BCL7C: variants seen among roughly 807,000 people sequenced by gnomAD.
BCL7C encodes the protein BAF chromatin remodeling complex subunit BCL7C, also known as B-cell CLL/lymphoma 7 protein family member C.
In BCL7C, 8 loss-of-function variants were observed where a neutral mutation model predicts 26.2. The observed-to-expected ratio is 0.30, with a 90% CI of 0.18 to 0.55. The LOEUF (loss-of-function observed/expected upper bound fraction) is 0.55, where lower values mean the gene tolerates loss of function less well. Among genes scored for constraint, BCL7C ranks in the 20% least tolerant of loss-of-function variants. The pLI, the probability that BCL7C is intolerant of heterozygous loss-of-function variation, is 0.93. For synonymous variants in BCL7C, 90 were observed against 116.5 expected (o/e 0.77, Z 1.47); for missense variants, 262 against 298.5 (o/e 0.88, Z 0.90).
intron 5 of BCL7C, among the ~76,000 whole-genome samples, chr16:30,835,391 ACTTGTAGTGTAAT>A (rs569186521): frequency 1.2e-3 from 183 of 152,272 alleles, no homozygotes; most frequent in African/African-American, 4.2e-3. Flanking sequence ...TCCAGCCATT[ACTTGTAGTGTAAT>A]CTTGGGCAAG....
At chr16:30,873,954 T>TACACACACACACACACACACACAC (rs145435913) in intron 5 of BCL7C, among the ~76,000 whole-genome samples, 126 of 137,760 alleles carry the variant, frequency 9.1e-4, no homozygotes, top group Middle Eastern at 3.6e-3. Context: ...GATATATGTA[T>TACACACACACACACACACACACAC]ACACACACAC....
At position 30,894,075 on chromosome 16, in the gene BCL7C, C is replaced by T. The variant is rs1017493258; in HGVS notation, c.-131G>A. ...CCCCCTGGAGTTGGCCGCGCCCTCT[C>T]TCGTCCCCAACGCCTCCGCAAGTCC... On this transcript the variant is annotated 5_prime_UTR_variant, in exon 1 of 6. Transcript: ENST00000215115. The T allele has an allele frequency of 9.9e-6, 2 of 201,976 alleles. No homozygotes were observed. Among genetic ancestry groups the T allele is most frequent in the African/African-American group, 2.4e-5 (1 of 42,190 alleles). The allele number at this position is 201,976 out of a possible 1,614,324, so 12.5% of individuals were successfully genotyped here.
intron 5 of BCL7C, among the ~76,000 whole-genome samples, chr16:30,863,661 C>T (rs975866605): frequency 6.6e-6 from 1 of 152,156 alleles, no homozygotes; most frequent in African/African-American, 2.4e-5. Context: ...TCACGCCCAC[C>T]TACTCTCCCA....
intron 5 of BCL7C, among the ~76,000 whole-genome samples, chr16:30,888,490 C>T (rs1316694231): frequency 1.3e-5 from 2 of 152,110 alleles, no homozygotes; most frequent in Non-Finnish European, 2.9e-5. Flanking sequence ...GCACGTGCCA[C>T]CACGCCCGGC....
chr16:30,859,550 G>A lies in BCL7C; in HGVS notation c.529-24402C>T, dbSNP rs138521094. 2.6e-3 allele frequency among the ~76,000 whole-genome samples: 395 copies of A among 152,254 alleles called. 2 individuals are homozygous for A. The highest frequency in any genetic ancestry group is 8.3e-3 in the African/African-American group (343 of 41,552). ...GCAACTGAAGATCCACAAAAGAAGTGAAAATAGCCTTAACTGATGACGTTC... is the reference window on the plus strand; with the variant it reads ...GCAACTGAAGATCCACAAAAGAAGTAAAAATAGCCTTAACTGATGACGTTC... On this transcript the variant is annotated intron_variant, in intron 5 of 5. Transcript: ENST00000380317.
In BCL7C at chr16:30,892,874, T is replaced by A. The variant is rs367674953; in HGVS notation, c.246A>T (p.Arg82=). The change falls in exon 3 of 6, where the codon CGA becomes CGT. Residue 82 remains arginine, a synonymous_variant. Transcript: ENST00000215115. ...CCAGCAGGATGAGAGGGCCACCCCC[T>A]CGGGGACTGGCGCCCCTGCCCCGAC... ...RERRGRGASP[R]GGGPLILLDL... The A allele has an allele frequency of 1.7e-5, 27 of 1,612,814 alleles. No individual in the cohort carries two copies. The highest frequency in any genetic ancestry group is 7.7e-5 in the South Asian group (7 of 91,080).
intron 5 of BCL7C, among the ~76,000 whole-genome samples, chr16:30,880,243 G>A (rs926836000): frequency 6.6e-6 from 1 of 152,008 alleles, no homozygotes; most frequent in Non-Finnish European, 1.5e-5. Context: ...CAGCACTTTG[G>A]GAGGCAGAGG....
chr16:30,844,108 T>C (rs1487880535), intron 5 of BCL7C, among the ~76,000 whole-genome samples: 1 of 147,572 alleles, frequency 6.8e-6, no homozygotes, highest in African/African-American at 2.5e-5. Context: ...TCCCAGCACT[T>C]TGGGAGGCCG....
chr16:30,869,293 C>T (rs1415559740), intron 5 of BCL7C, among the ~76,000 whole-genome samples: 3 of 151,666 alleles, frequency 2.0e-5, no homozygotes, highest in Non-Finnish European at 4.4e-5. Context: ...ACTGCAGCCT[C>T]GACCTCCCAG....
At chr16:30,860,342 C>T (rs543635912) in intron 5 of BCL7C, among the ~76,000 whole-genome samples, 4 of 152,278 alleles carry the variant, frequency 2.6e-5, no homozygotes, top group African/African-American at 4.8e-5. Context: ...ACTGTGGGGA[C>T]GCCTGCTTTG....
chr16:30,848,836 G>C (rs1465381647), intron 5 of BCL7C, among the ~76,000 whole-genome samples: 1 of 149,972 alleles, frequency 6.7e-6, no homozygotes, highest in Non-Finnish European at 1.5e-5. Context: ...AGGTTGCAGT[G>C]AGCCAAGATT....
chr16:30,858,320 G>T (rs149815086), intron 5 of BCL7C, among the ~76,000 whole-genome samples: 6 of 152,310 alleles, frequency 3.9e-5, no homozygotes, highest in Non-Finnish European at 7.4e-5. Flanking sequence ...CTGGAGGAAG[G>T]TCCTTGCAGC....
At chr16:30,867,269 A>G (rs907296070) in intron 5 of BCL7C, among the ~76,000 whole-genome samples, 11 of 152,116 alleles carry the variant, frequency 7.2e-5, no homozygotes, top group African/African-American at 2.2e-4. Context: ...GGTGGTTATA[A>G]GGATATTTTG....
intron 5 of BCL7C, among the ~76,000 whole-genome samples, chr16:30,873,931 A>G (rs1038236526): frequency 4.2e-5 from 1 of 23,992 alleles, no homozygotes; most frequent in African/African-American, 1.1e-4. Context: ...CTCTCTATAT[A>G]CATATATATA....
At chr16:30,882,360 T>C (rs1283408489) in intron 5 of BCL7C, among the ~76,000 whole-genome samples, 1 of 152,176 alleles carries the variant, frequency 6.6e-6, no homozygotes, top group Non-Finnish European at 1.5e-5. Flanking sequence ...TCTGCCCTCC[T>C]GGGGCTTGCA....
In BCL7C at chr16:30,834,709, T is replaced by G; in HGVS notation, c.*239A>C. 1 of 412,876 alleles carries G rather than the reference T, an allele frequency of 2.4e-6. No homozygotes were observed. The highest frequency in any genetic ancestry group is 4.3e-6 in the Non-Finnish European group (1 of 231,092). 25.6% of individuals were successfully genotyped at this position (412,876 alleles called of 1,614,324 possible). A position where few individuals can be genotyped will look rare whatever the true frequency, so the allele number is the denominator to read the frequency against. ...CCCCTAGGCCTCTAGCAAGGCGGCC[T>G]CAGGCACTGGATGTGGTCCGAGTTC... is the stretch of plus-strand genomic sequence containing the variant. On this transcript the variant is annotated 3_prime_UTR_variant, in exon 6 of 6. Transcript: ENST00000380317. This position sits in a 1 kb window ranked among gnomAD's most constrained non-coding sequence, Gnocchi z 4.3.
At chr16:30,876,441 G>C (rs951348260) in intron 5 of BCL7C, among the ~76,000 whole-genome samples, 1 of 152,222 alleles carries the variant, frequency 6.6e-6, no homozygotes, top group Non-Finnish European at 1.5e-5. Context: ...AAAAGGATTA[G>C]GATTTTGCCA....
chr16:30,887,966 C>G lies in BCL7C; in HGVS notation c.553G>C (p.Glu185Gln). Residue 185 changes from glutamate to glutamine, a missense_variant, in exon 6 of 6, where the codon GAG becomes CAG. Transcript: ENST00000215115. ...AEAPEAYPVF[E>Q]PVPPVPEAAQ... ...GCCTCAGGGACAGGTGGCACTGGCT[C>G]AAAGACAGGGTAAGCTTCGGGGGCC... is the stretch of plus-strand genomic sequence containing the variant. 3 of 1,606,828 alleles carry G rather than the reference C, an allele frequency of 1.9e-6. No individual in the cohort carries two copies. The highest frequency in any genetic ancestry group is 2.5e-6 in the Non-Finnish European group (3 of 1,176,990).
At position 30,893,638 on chromosome 16, in the gene BCL7C, G is replaced by A. The variant is rs2055294846; in HGVS notation, c.92+215C>T. Reference sequence around the variant, plus strand: ...CTTTAGGGGGCGGGGCACAAGAGGGGGCTCCCGCTCTGGGAGGACACGGCT... The same window carrying A: ...CTTTAGGGGGCGGGGCACAAGAGGGAGCTCCCGCTCTGGGAGGACACGGCT... On this transcript the variant is annotated intron_variant, in intron 1 of 5. Coordinates refer to ENST00000215115, the MANE Select transcript of BCL7C (RefSeq NM_004765.4). The surrounding 1 kb of genome is among the most constrained non-coding windows in gnomAD (Gnocchi z 5.2). Among the ~76,000 whole-genome samples the A allele has an allele frequency of 6.6e-6, 1 of 152,032 alleles. No individual in the cohort carries two copies. Among genetic ancestry groups the A allele is most frequent in the Admixed American group, 6.6e-5 (1 of 15,262 alleles).
Sources: gnomAD v4.1 joint callset for allele counts (sites outside exome capture counted in the v4.1 genomes callset) on GRCh38, gnomAD v4.1.1 for gene constraint, Gnocchi (gnomAD v3.1) non-coding constraint, MANE v1.5 for transcripts, NCBI Gene and HGNC (gene_info 2026-07-23, HGNC 2026-07-21) for gene names.